ENAM: variants seen among roughly 807,000 people sequenced by gnomAD.
The protein encoded by ENAM is enamelin.
A neutral mutation model predicts 33.6 loss-of-function variants in ENAM; 21 were observed. That is an observed-to-expected ratio of 0.63 (90% confidence interval 0.44 to 0.90). The LOEUF is 0.90. Among genes scored for constraint, ENAM ranks in the 40% least tolerant of loss-of-function variants. The pLI, the probability that ENAM is intolerant of heterozygous loss-of-function variation, is 0.00. For synonymous variants in ENAM, 473 were observed against 468.4 expected (o/e 1.01, Z -0.13); for missense variants, 1,388 against 1,366.9 (o/e 1.02, Z -0.24).
At chr4:70,629,913 G>C (rs1436895979) in intron 2 of ENAM, among the ~76,000 whole-genome samples, 1 of 152,094 alleles carries the variant, frequency 6.6e-6, no homozygotes. Flanking sequence ...ACAGCTACTA[G>C]AGAGATGAGA....
chr4:70,635,749 T>C, intron 6 of ENAM, 83 bp from the exon 7 acceptor site: 1 of 876,792 alleles, frequency 1.1e-6, no homozygotes, highest in African/African-American at 1.7e-5. Context: ...CTCCCAAGTT[T>C]CAATTGTATT....
intron 2 of ENAM, 62 bp from the exon 3 acceptor site, chr4:70,631,608 G>C (rs1030562187): frequency 5.8e-6 from 7 of 1,204,068 alleles, no homozygotes; most frequent in Non-Finnish European, 8.7e-6. Flanking sequence ...TTAGATAAGT[G>C]CAGAGTGCCC....
At chr4:70,634,249 T>G in intron 5 of ENAM, 59 bp from the exon 6 acceptor site, 4 of 1,560,324 alleles carry the variant, frequency 2.6e-6, no homozygotes, top group Non-Finnish European at 2.6e-6. Flanking sequence ...CATTAGAGGA[T>G]GGAGACAGCC....
chr4:70,634,597 C>A, intron 6 of ENAM, 29 bp downstream of exon 6: 1 of 1,611,498 alleles, frequency 6.2e-7, no homozygotes, highest in Non-Finnish European at 8.5e-7. Flanking sequence ...AATTCCATAT[C>A]TGTAAATGGC....
At position 70,644,181 on chromosome 4, in the gene ENAM, A is replaced by C; in HGVS notation, c.2755A>C (p.Thr919Pro). The C allele has an allele frequency of 6.2e-7, 1 of 1,614,158 alleles. No homozygotes were observed. The highest frequency in any genetic ancestry group is 8.5e-7 in the Non-Finnish European group (1 of 1,180,020). ...LYTDGSHTKQ[T>P]RDIISPTSIL... Reference sequence around the variant, plus strand: ...TACAGACGGTAGTCATACCAAGCAGACAAGAGATATCATCTCCCCAACAAG... The same window carrying C: ...TACAGACGGTAGTCATACCAAGCAGCCAAGAGATATCATCTCCCCAACAAG... Residue 919 changes from threonine (T) to proline (P), a missense_variant, in exon 9 of 9, where the codon ACA becomes CCA. Coordinates refer to ENST00000396073, the MANE Select transcript of ENAM (RefSeq NM_031889.3).
Position 70,638,811 on chromosome 4 carries a change from A to G in ENAM, c.588+968A>G, listed in dbSNP as rs1244987386. Among the ~76,000 whole-genome samples the G allele has an allele frequency of 2.3e-5, 3 of 133,204 alleles. No individual in the cohort carries two copies. The South Asian group carries it at 7.1e-4, about 32-fold the overall frequency. 87.4% of individuals were successfully genotyped at this position (133,204 alleles called of 152,430 possible). ...CTTTCTTTCTTTTTTTTTTTTTTGT[A>G]AGACAGAGTCTCGCTCTGTCATCCA... is the stretch of plus-strand genomic sequence containing the variant. On this transcript the variant is annotated intron_variant, in intron 8 of 8. Transcript: ENST00000396073.
Position 70,645,106 on chromosome 4 carries a change from G to T in ENAM, c.*251G>T, listed in dbSNP as rs752642530. On this transcript the variant is annotated 3_prime_UTR_variant, in exon 9 of 9. Coordinates refer to ENST00000396073, the MANE Select transcript of ENAM (RefSeq NM_031889.3). The stretch of plus-strand genomic sequence containing the variant: ...AAGCAAGAAGGCCATGACCATCCCT[G>T]CCTCGAAACTTGCAAGTCACTTGTC... 7.3e-5 allele frequency: 38 copies of T among 521,524 alleles called. No individual in the cohort carries two copies. The highest frequency in any genetic ancestry group is 1.1e-4 in the Non-Finnish European group (33 of 293,776). 32.3% of individuals were successfully genotyped at this position (521,524 alleles called of 1,614,324 possible).
rs141932934 is a variant in ENAM, at chr4:70,645,046, T to G, written c.*191T>G. ...GATTAGGCCTCTGGGGATCACCAGA[T>G]CTAGCACTTTCACAGATTAGTGCAG... On this transcript the variant is annotated 3_prime_UTR_variant, in exon 9 of 9. Coordinates refer to ENST00000396073, the MANE Select transcript of ENAM (RefSeq NM_031889.3). 3 of 624,244 alleles carry G rather than the reference T, an allele frequency of 4.8e-6. No individual in the cohort carries two copies. The East Asian group carries it at 8.2e-5, about 17-fold the overall frequency. The allele number at this position is 624,244 out of a possible 1,614,324, so 38.7% of individuals were successfully genotyped here.
intron 6 of ENAM, among the ~76,000 whole-genome samples, chr4:70,635,537 C>A (rs1298271661): frequency 6.6e-6 from 1 of 152,168 alleles, no homozygotes; most frequent in Non-Finnish European, 1.5e-5. Flanking sequence ...AGTGACCAAA[C>A]TTCTCTGAAC....
rs1738637763 is a variant in ENAM, at chr4:70,642,817, A to G, written c.1391A>G (p.Tyr464Cys). 6.2e-6 allele frequency: 10 copies of G among 1,614,068 alleles called. No individual in the cohort carries two copies. The highest frequency in any genetic ancestry group is 8.5e-6 in the Non-Finnish European group (10 of 1,179,976). The change falls in exon 9 of 9, where the codon TAT becomes TGT. Residue 464 changes from tyrosine to cysteine, a missense_variant. Physicochemically the swap from Tyr to Cys is radical, Grantham distance 194. Coordinates refer to ENST00000396073, the MANE Select transcript of ENAM (RefSeq NM_031889.3). ...PTSPWRNSQQ[Y>C]EVNKSNYKLP... ...AGCCCCTGGAGAAACTCTCAACAGT[A>G]TGAAGTTAATAAATCAAATTATAAA...
chr4:70,632,650 G>A lies in ENAM; in HGVS notation c.169-1G>A, dbSNP rs753064812. On this transcript the variant is annotated splice_acceptor_variant, in intron 4 of 8. Coordinates refer to ENST00000396073, the MANE Select transcript of ENAM (RefSeq NM_031889.3). LOFTEE classifies it high-confidence loss of function. Reference sequence around the variant, plus strand: ...ACATTAATGGATTCCTTTGGTTGCAGATGATGCGGTATAATCAATTCAACT... The same window carrying A: ...ACATTAATGGATTCCTTTGGTTGCAAATGATGCGGTATAATCAATTCAACT... 6 of 1,596,592 alleles carry A rather than the reference G, an allele frequency of 3.8e-6. No individual in the cohort carries two copies.
In ENAM at chr4:70,644,531, T is replaced by C. The variant is rs1366516521; in HGVS notation, c.3105T>C (p.Ser1035=). Residue 1035 remains serine (S), a synonymous_variant, in exon 9 of 9, where the codon AGT becomes AGC. Transcript: ENST00000396073. ...GCTCCAATCCAGAAGGCATCCAAAG[T>C]CAAGTCCAAGAAAATGAGAGTGAGA... ...DEGSNPEGIQ[S]QVQENESERQ... 1.2e-6 allele frequency: 2 copies of C among 1,613,966 alleles called. No individual in the cohort carries two copies. The highest frequency in any genetic ancestry group is 4.5e-5 in the East Asian group (2 of 44,878).
rs766513652 is a variant in ENAM, at chr4:70,638,449, C to CTTTTTTTT, written c.588+626_588+633dup. 5.6e-4 allele frequency among the ~76,000 whole-genome samples: 33 copies of CTTTTTTTT among 58,904 alleles called. 7 individuals are homozygous for CTTTTTTTT. The highest frequency in any genetic ancestry group is 1.8e-3 in the African/African-American group (22 of 12,362). 38.6% of individuals were successfully genotyped at this position (58,904 alleles called of 152,430 possible). On this transcript the variant is annotated intron_variant, in intron 8 of 8. Transcript: ENST00000396073. The stretch of plus-strand genomic sequence containing the variant: ...ACTGGAGAGTGGGCGACAGATTGTT[C>CTTTTTTTT]TTTTTTTTTTTTTTTTTTTTTTTTT...
intron 8 of ENAM, among the ~76,000 whole-genome samples, chr4:70,641,196 G>GA (rs1162571758): frequency 2.6e-5 from 4 of 152,162 alleles, no homozygotes; most frequent in East Asian, 1.9e-4. Flanking sequence ...CCCAGTTCTG[G>GA]GTGCATTCAG....
At position 70,644,636 on chromosome 4, in the gene ENAM, C is replaced by G. The variant is rs186447830; in HGVS notation, c.3210C>G (p.Thr1070=). The change falls in exon 9 of 9, where the codon ACC becomes ACG. Residue 1070 remains threonine (T), a synonymous_variant. Coordinates refer to ENST00000396073, the MANE Select transcript of ENAM (RefSeq NM_031889.3). Reference sequence around the variant, plus strand: ...TAGCAAAGCATCACTCTTCCACCACCGGAACTCCATCTAGCGATGGAAGGC... The same window carrying G: ...TAGCAAAGCATCACTCTTCCACCACGGGAACTCCATCTAGCGATGGAAGGC... ...SKLAKHHSST[T]GTPSSDGRQS... 1.3e-5 allele frequency: 21 copies of G among 1,613,868 alleles called. No homozygotes were observed. In the East Asian group the frequency reaches 4.2e-4, roughly 33 times the overall value.
Position 70,645,505 on chromosome 4 carries a change from G to A in ENAM, c.*650G>A, listed in dbSNP as rs1309990745. On this transcript the variant is annotated 3_prime_UTR_variant, in exon 9 of 9. Transcript: ENST00000396073. The stretch of plus-strand genomic sequence containing the variant: ...AAATTAGCTATTTTAACCATTTCTA[G>A]TCTCTTCTTTATGTCTACCTCCTCC... 1 of 151,252 alleles carries A rather than the reference G, an allele frequency of 6.6e-6. No homozygotes were observed. Among genetic ancestry groups the A allele is most frequent in the African/African-American group, 2.4e-5 (1 of 40,986 alleles). 9.4% of individuals were successfully genotyped at this position (151,252 alleles called of 1,614,324 possible).
chr4:70,637,362 C>A (rs955584116), intron 7 of ENAM, among the ~76,000 whole-genome samples: 1 of 152,128 alleles, frequency 6.6e-6, no homozygotes, highest in African/African-American at 2.4e-5. Flanking sequence ...AAAATAACAT[C>A]GTTACTTAAT....
Position 70,642,227 on chromosome 4 carries a change from C to G in ENAM, c.801C>G (p.Thr267=). Reference sequence around the variant, plus strand: ...AAGGGAGTCAGGGAGGAAATGACACCAGCCCCACAGGAAACAGTACCCCAG... The same window carrying G: ...AAGGGAGTCAGGGAGGAAATGACACGAGCCCCACAGGAAACAGTACCCCAG... The part of the protein sequence containing the change: ...NPKGSQGGND[T]SPTGNSTPGL... The change falls in exon 9 of 9, where the codon ACC becomes ACG. Residue 267 remains threonine (T), a synonymous_variant. Coordinates refer to ENST00000396073, the MANE Select transcript of ENAM (RefSeq NM_031889.3). The G allele has an allele frequency of 1.9e-6, 3 of 1,614,054 alleles. No individual in the cohort carries two copies. The highest frequency in any genetic ancestry group is 2.5e-6 in the Non-Finnish European group (3 of 1,179,976).
At chr4:70,631,067 T>C (rs1738304355) in intron 2 of ENAM, among the ~76,000 whole-genome samples, 1 of 152,038 alleles carries the variant, frequency 6.6e-6, no homozygotes, top group African/African-American at 2.4e-5. Context: ...AAGGAAGTGA[T>C]GATGATGATA....
Sources: gnomAD v4.1 joint callset for allele counts (sites outside exome capture counted in the v4.1 genomes callset) on GRCh38, gnomAD v4.1.1 for gene constraint, MANE v1.5 for transcripts, NCBI Gene and HGNC (gene_info 2026-07-23, HGNC 2026-07-21) for gene names.